The following RGP1 variants were observed in gnomAD, a reference collection of about 807,000 sequenced individuals.
RGP1 encodes RAB6A-GEF complex partner protein 2.
A neutral mutation model predicts 44.5 loss-of-function variants in RGP1; 28 were observed. That is an observed-to-expected ratio of 0.63 (90% CI 0.47 to 0.86). RGP1 has a LOEUF of 0.86. Ranked by LOEUF, RGP1 falls within the 40% of genes least tolerant of loss-of-function variation. The pLI, the probability that RGP1 is intolerant of heterozygous loss-of-function variation, is 0.00. For missense variants in RGP1, 417 were observed against 490.7 expected, an observed-to-expected ratio of 0.85 and a Z score of 1.42; for synonymous variants, 212 against 196.7, an observed-to-expected ratio of 1.08 and a Z score of -0.65.
chr9:35,783,684 T>C, the RGP1 span, among the ~76,000 whole-genome samples: 3 of 152,218 alleles, frequency 2.0e-5, no homozygotes, highest in African/African-American at 7.2e-5. Context: ...ATCTTTATCA[T>C]TCATCTGTTG....
chr9:35,773,179 A>G, the RGP1 span, among the ~76,000 whole-genome samples: 1 of 152,120 alleles, frequency 6.6e-6, no homozygotes, highest in East Asian at 1.9e-4. Flanking sequence ...ACTTGAGCCC[A>G]GGAGTTCAAG....
At chr9:35,784,436 TGAGA>T in the RGP1 span, among the ~76,000 whole-genome samples, 1 of 152,180 alleles carries the variant, frequency 6.6e-6, no homozygotes, top group Non-Finnish European at 1.5e-5. Context: ...TCGTAAGTGA[TGAGA>T]GATAGGGGTG....
chr9:35,775,522 C>T, the RGP1 span, among the ~76,000 whole-genome samples: 5 of 152,126 alleles, frequency 3.3e-5, no homozygotes, highest in Admixed American at 3.3e-4. Context: ...TCTGCCAGTG[C>T]CTCCCTGACT....
chr9:35,776,357 G>A, the RGP1 span, among the ~76,000 whole-genome samples: 2 of 151,634 alleles, frequency 1.3e-5, no homozygotes, highest in East Asian at 1.9e-4. Flanking sequence ...TATGATCTCG[G>A]TTCACTGCAA....
chr9:35,750,298 A>T lies in RGP1; in HGVS notation c.172A>T (p.Ser58Cys), dbSNP rs763859970. The change falls in exon 3 of 9, where the codon AGT (serine) becomes TGT (cysteine). Residue 58 changes from serine to cysteine, a missense_variant. Ser to Cys is a moderately radical substitution (Grantham distance 112). Coordinates refer to ENST00000378078, the MANE Select transcript of RGP1 (RefSeq NM_001080496.3). Reference protein sequence around the residue: ...QIHCQFHASESRVALPPPDSS... With the variant: ...QIHCQFHASECRVALPPPDSS... ...CCACTGCCAGTTCCATGCCAGTGAGAGTCGAGTAGCACTGCCTCCTCCTGA... is the reference window on the plus strand; with the variant it reads ...CCACTGCCAGTTCCATGCCAGTGAGTGTCGAGTAGCACTGCCTCCTCCTGA... The T allele has an allele frequency of 6.2e-6, 10 of 1,613,758 alleles. 1 individual carries two copies. In the South Asian group the frequency reaches 1.1e-4, roughly 18 times the overall value.
chr9:35,776,293 C>CA, the RGP1 span, among the ~76,000 whole-genome samples: 3 of 143,056 alleles, frequency 2.1e-5, no homozygotes, highest in Non-Finnish European at 3.1e-5. Context: ...CCTTCTTCTT[C>CA]TTTTTTTTTT....
chr9:35,768,143 G>A, the RGP1 span, among the ~76,000 whole-genome samples: 1 of 150,134 alleles, frequency 6.7e-6, no homozygotes, highest in Non-Finnish European at 1.5e-5. Flanking sequence ...TGGCTCTGTC[G>A]CTCTGATGCA....
Position 35,749,946 on chromosome 9 carries a change from C to A in RGP1, c.116+75C>A. On this transcript the variant is annotated intron_variant, in intron 2 of 8. Transcript: ENST00000378078. The surrounding 1 kb of genome is among the most constrained non-coding windows in gnomAD (Gnocchi z 4.4). ...TTATCTCTGGGGCTGAGGCAGAGCT[C>A]AGGTTGTCCTGTAGCGACACCACCT... 1 of 1,186,722 alleles carries A rather than the reference C, an allele frequency of 8.4e-7. No individual in the cohort carries two copies. Among genetic ancestry groups the A allele is most frequent in the Admixed American group, 2.0e-5 (1 of 50,668 alleles). 73.5% of individuals were successfully genotyped at this position (1,186,722 alleles called of 1,614,324 possible).
At chr9:35,768,682 A>G in the RGP1 span, among the ~76,000 whole-genome samples, 1 of 152,188 alleles carries the variant, frequency 6.6e-6, no homozygotes, top group African/African-American at 2.4e-5. Flanking sequence ...AACAGGGGCA[A>G]AGGAACATTG....
At chr9:35,779,068 T>C in the RGP1 span, among the ~76,000 whole-genome samples, 3 of 152,172 alleles carry the variant, frequency 2.0e-5, no homozygotes, top group African/African-American at 7.2e-5. Context: ...TTTTTTTCTA[T>C]TGCCCTGGAA....
At chr9:35,777,370 C>T in the RGP1 span, among the ~76,000 whole-genome samples, 1 of 151,350 alleles carries the variant, frequency 6.6e-6, no homozygotes, top group South Asian at 2.1e-4. Context: ...ACCTCGTGAT[C>T]CACCCTCCTC....
In RGP1 at chr9:35,753,528, G is replaced by T; in HGVS notation, c.*654G>T. The T allele has an allele frequency of 1.2e-6, 1 of 827,422 alleles. No individual in the cohort carries two copies. The highest frequency in any genetic ancestry group is 1.9e-6 in the Non-Finnish European group (1 of 515,752). The allele number at this position is 827,422 out of a possible 1,614,324, so 51.3% of individuals were successfully genotyped here. On this transcript the variant is annotated 3_prime_UTR_variant, in exon 9 of 9. Coordinates refer to ENST00000378078, the MANE Select transcript of RGP1 (RefSeq NM_001080496.3). This position sits in a 1 kb window ranked among gnomAD's most constrained non-coding sequence, Gnocchi z 4.2. Reference sequence around the variant, plus strand: ...AGCCTTATCTTTCACACTAGTGTTGGTCCCTTCAGGTTTGGCCCATCTTGT... The same window carrying T: ...AGCCTTATCTTTCACACTAGTGTTGTTCCCTTCAGGTTTGGCCCATCTTGT...
downstream of RGP1, among the ~76,000 whole-genome samples, chr9:35,762,641 A>G (rs1024611539): frequency 6.6e-6 from 1 of 152,198 alleles, no homozygotes; most frequent in African/African-American, 2.4e-5. Context: ...TTGATAGTAA[A>G]GTCTTTAGAG....
the RGP1 span, among the ~76,000 whole-genome samples, chr9:35,774,245 TG>T: frequency 5.3e-5 from 8 of 152,196 alleles, no homozygotes; most frequent in African/African-American, 1.9e-4. Context: ...CTCAGCACCT[TG>T]CTCCCCCATG....
chr9:35,753,274 C>G lies in RGP1; in HGVS notation c.*400C>G. On this transcript the variant is annotated 3_prime_UTR_variant, in exon 9 of 9. Coordinates refer to ENST00000378078, the MANE Select transcript of RGP1 (RefSeq NM_001080496.3). The surrounding 1 kb of genome is among the most constrained non-coding windows in gnomAD (Gnocchi z 4.2). ...ACCCAGCCGGGAAGTCGATGGGATG[C>G]TGGGACCTGGGGAACCAAGGATAGG... is the stretch of plus-strand genomic sequence containing the variant. 6.2e-7 allele frequency: 1 copy of G among 1,613,378 alleles called. No individual in the cohort carries two copies. Among genetic ancestry groups the G allele is most frequent in the Non-Finnish European group, 8.5e-7 (1 of 1,179,898 alleles).
the RGP1 span, among the ~76,000 whole-genome samples, chr9:35,769,434 C>T: frequency 6.6e-6 from 1 of 152,112 alleles, no homozygotes; most frequent in Non-Finnish European, 1.5e-5. Context: ...CTGTGCTAGG[C>T]ACTGAGGACA....
chr9:35,781,054 C>CA, the RGP1 span, among the ~76,000 whole-genome samples: 1 of 151,862 alleles, frequency 6.6e-6, no homozygotes, highest in Non-Finnish European at 1.5e-5. Context: ...TCTAATGGGG[C>CA]AGAAAGTACC....
At chr9:35,750,008 T>C in intron 2 of RGP1, 137 bp downstream of exon 2, 1 of 859,042 alleles carries the variant, frequency 1.2e-6, no homozygotes, top group Non-Finnish European at 1.8e-6. Flanking sequence ...AGGAGAGGGC[T>C]CTTTAACAGA....
the RGP1 span, among the ~76,000 whole-genome samples, chr9:35,779,637 G>T: frequency 3.3e-5 from 5 of 152,332 alleles, no homozygotes; most frequent in South Asian, 1.0e-3. Context: ...AGTTAGGAGG[G>T]TTAAAGAGAT....
Sources: gnomAD v4.1 joint callset for allele counts (sites outside exome capture counted in the v4.1 genomes callset) on GRCh38, gnomAD v4.1.1 for gene constraint, Gnocchi (gnomAD v3.1) non-coding constraint, MANE v1.5 for transcripts, NCBI Gene and HGNC (gene_info 2026-07-23, HGNC 2026-07-21) for gene names.